Variants in XRCC4 observed in about 807,000 individuals in gnomAD.
XRCC4 encodes X-ray repair cross complementing 4, also known as DNA repair protein XRCC4.
In XRCC4, 28 loss-of-function variants were observed where a neutral mutation model predicts 39.1. That is an observed-to-expected ratio of 0.72 (90% CI 0.53 to 0.98). The LOEUF (loss-of-function observed/expected upper bound fraction) is 0.98, where lower values mean the gene tolerates loss of function less well. Ranked by LOEUF, XRCC4 falls within the 50% of genes least tolerant of loss-of-function variation. XRCC4 has a pLI of 0.00. For missense variants in XRCC4, 350 were observed against 376.4 expected, an observed-to-expected ratio of 0.93 and a Z score of 0.58; for synonymous variants, 123 against 126.4, an observed-to-expected ratio of 0.97 and a Z score of 0.18.
At chr5:83,130,327 T>G (rs7446506) in intron 3 of XRCC4, among the ~76,000 whole-genome samples, 2 of 151,870 alleles carry the variant, frequency 1.3e-5, no homozygotes, top group African/African-American at 4.8e-5. Flanking sequence ...TCAACTTGAT[T>G]GTGGTGGATA....
intron 1 of XRCC4, among the ~76,000 whole-genome samples, chr5:83,095,164 T>G (rs1475499715): frequency 6.6e-6 from 1 of 152,158 alleles, no homozygotes; most frequent in Non-Finnish European, 1.5e-5. Context: ...TTAGGTTCTG[T>G]AGAAAGCTGG....
At chr5:83,157,920 T>G (rs1236384389) in intron 3 of XRCC4, among the ~76,000 whole-genome samples, 1 of 152,104 alleles carries the variant, frequency 6.6e-6, no homozygotes, top group Non-Finnish European at 1.5e-5. Flanking sequence ...GGTTATTCAG[T>G]TATTGAAAAT....
intron 3 of XRCC4, among the ~76,000 whole-genome samples, chr5:83,137,252 T>A (rs1747943935): frequency 1.3e-5 from 2 of 152,142 alleles, no homozygotes; most frequent in African/African-American, 4.8e-5. Context: ...GGATATTTTA[T>A]ATATGAATGA....
intron 3 of XRCC4, among the ~76,000 whole-genome samples, chr5:83,183,942 A>G (rs1345258470): frequency 2.6e-5 from 4 of 152,128 alleles, no homozygotes; most frequent in Non-Finnish European, 5.9e-5. Flanking sequence ...ATTTGTTTTT[A>G]TCTTGTCTCT....
At chr5:83,269,573 T>C (rs951884284) in intron 7 of XRCC4, among the ~76,000 whole-genome samples, 1 of 151,610 alleles carries the variant, frequency 6.6e-6, no homozygotes, top group Non-Finnish European at 1.5e-5. Context: ...TTACATTTGA[T>C]AGAGTTCAAA....
chr5:83,145,733 A>C (rs1297979238), intron 3 of XRCC4, among the ~76,000 whole-genome samples: 1 of 152,160 alleles, frequency 6.6e-6, no homozygotes, highest in Admixed American at 6.5e-5. Flanking sequence ...GTTTCTGCTA[A>C]ATTTTAGCTG....
At chr5:83,245,643 A>G (rs114065704) in intron 6 of XRCC4, among the ~76,000 whole-genome samples, 3,211 of 152,210 alleles carry the variant, frequency 0.021, 51 homozygotes, top group Admixed American at 0.037. Context: ...TTCCAATAAA[A>G]ATGTTCATTT....
At chr5:83,345,708 G>T (rs1259808822) in intron 7 of XRCC4, among the ~76,000 whole-genome samples, 1 of 152,024 alleles carries the variant, frequency 6.6e-6, no homozygotes, top group Non-Finnish European at 1.5e-5. Context: ...TTGCTATTCC[G>T]GCCGTAGTGA....
chr5:83,219,316 AG>A (rs1751993595), intron 6 of XRCC4, among the ~76,000 whole-genome samples: 1 of 152,024 alleles, frequency 6.6e-6, no homozygotes, highest in Admixed American at 6.6e-5. Flanking sequence ...TTGGGGGGTG[AG>A]GGGGATTTCC....
At chr5:83,249,772 T>A (rs1447660013) in intron 6 of XRCC4, among the ~76,000 whole-genome samples, 2 of 152,162 alleles carry the variant, frequency 1.3e-5, no homozygotes, top group Admixed American at 1.3e-4. Context: ...TGATTTTGAC[T>A]TACTAGTCAA....
At chr5:83,103,640 A>G (rs1333297311) in intron 1 of XRCC4, among the ~76,000 whole-genome samples, 1 of 152,178 alleles carries the variant, frequency 6.6e-6, no homozygotes, top group African/African-American at 2.4e-5. Flanking sequence ...GTCAAAATCT[A>G]GAAAGTACCC....
At chr5:83,160,342 A>G (rs1009319131) in intron 3 of XRCC4, among the ~76,000 whole-genome samples, 5 of 152,280 alleles carry the variant, frequency 3.3e-5, no homozygotes, top group African/African-American at 1.2e-4. Flanking sequence ...GATCCAATAT[A>G]TTGATCATAT....
intron 3 of XRCC4, among the ~76,000 whole-genome samples, chr5:83,162,858 AT>A (rs1749280086): frequency 6.6e-6 from 1 of 150,616 alleles, no homozygotes; most frequent in Non-Finnish European, 1.5e-5. Context: ...CCCTGCTGCT[AT>A]TTTGGAGTCT....
chr5:83,135,299 C>T (rs1257950084), intron 3 of XRCC4, among the ~76,000 whole-genome samples: 3 of 152,136 alleles, frequency 2.0e-5, no homozygotes, highest in South Asian at 2.1e-4. Context: ...TCTTCTGTGT[C>T]GCTCACACTG....
At chr5:83,125,739 C>G (rs575115309) in intron 3 of XRCC4, among the ~76,000 whole-genome samples, 1 of 104,334 alleles carries the variant, frequency 9.6e-6, no homozygotes, top group South Asian at 3.2e-4. Flanking sequence ...GCCTGTAATT[C>G]CAACAGGCCG....
intron 7 of XRCC4, among the ~76,000 whole-genome samples, chr5:83,321,010 C>T (rs181642722): frequency 1.3e-5 from 2 of 151,974 alleles, no homozygotes; most frequent in Admixed American, 6.6e-5. Flanking sequence ...GGGGTTTCAC[C>T]ACATTGGCCA....
At chr5:83,125,979 A>G (rs1240553081) in intron 3 of XRCC4, among the ~76,000 whole-genome samples, 1 of 86,724 alleles carries the variant, frequency 1.2e-5, no homozygotes, top group Non-Finnish European at 2.2e-5. Flanking sequence ...GTGAAACTCC[A>G]TCTCATCAAA....
intron 7 of XRCC4, among the ~76,000 whole-genome samples, chr5:83,261,605 C>G (rs1753753215): frequency 1.4e-5 from 1 of 73,696 alleles, no homozygotes; most frequent in Non-Finnish European, 3.1e-5. Context: ...AGTACTATGG[C>G]TTAATTTTTT....
chr5:83,256,163 G>A (rs549467701), intron 6 of XRCC4, among the ~76,000 whole-genome samples: 1 of 152,268 alleles, frequency 6.6e-6, no homozygotes, highest in East Asian at 1.9e-4. Context: ...GGCCTCCTTA[G>A]GAGTACAGAT....
Sources: allele counts gnomAD v4.1 joint callset (sites outside exome capture counted in the v4.1 genomes callset), GRCh38; gene constraint gnomAD v4.1.1; transcripts MANE v1.5; gene names NCBI Gene and HGNC (gene_info 2026-07-23, HGNC 2026-07-21).